Variants in CHD4 observed in about 807,000 individuals in gnomAD.
The protein encoded by CHD4 is ATP-dependent chromatin remodeler CHD4.
CHD4 carries 35 observed loss-of-function variants against 235.5 expected under a neutral mutation model. The ratio of observed to expected loss-of-function variants is 0.15; its 90% CI spans 0.11 to 0.20. The LOEUF (loss-of-function observed/expected upper bound fraction) is 0.20, where lower values mean the gene tolerates loss of function less well. CHD4 is among the 10% of genes least tolerant of loss of function. The pLI, the probability that CHD4 is intolerant of heterozygous loss-of-function variation, is 1.00. For synonymous variants in CHD4, 900 were observed against 850.2 expected, an observed-to-expected ratio of 1.06 and a Z score of -1.02; for missense variants, 1,329 against 2,432.3, an observed-to-expected ratio of 0.55 and a Z score of 9.54.
intron 33 of CHD4, 60 bp downstream of exon 33, chr12:6,580,984 C>A: frequency 6.3e-7 from 1 of 1,583,062 alleles, no homozygotes; most frequent in South Asian, 1.1e-5. Context: ...TCCAGCCTGG[C>A]GGCAGCACTA....
At chr12:6,583,161 C>T (rs753889540) in intron 26 of CHD4, 37 bp downstream of exon 26, 32 of 1,610,328 alleles carry the variant, frequency 2.0e-5, no homozygotes, top group Middle Eastern at 3.3e-4. Flanking sequence ...TCTAGTGGAA[C>T]GGCCCATGGG....
chr12:6,576,764 G>T (rs1313890981), intron 37 of CHD4, among the ~76,000 whole-genome samples: 2 of 152,092 alleles, frequency 1.3e-5, no homozygotes, highest in Admixed American at 6.6e-5. Context: ...TATGCAGAAT[G>T]GCATTCATTT....
intron 24 of CHD4, 53 bp from the exon 25 acceptor site, chr12:6,587,612 GGAAA>G (rs1948322824): frequency 6.2e-7 from 1 of 1,608,316 alleles, no homozygotes; most frequent in Non-Finnish European, 8.5e-7. Flanking sequence ...CAGCTGCAGT[GGAAA>G]AAGCAAGTCC....
At chr12:6,603,524 G>T (rs1411795360) in intron 2 of CHD4, among the ~76,000 whole-genome samples, 4 of 138,994 alleles carry the variant, frequency 2.9e-5, no homozygotes, top group African/African-American at 5.2e-5. Context: ...GGACAGACAG[G>T]AAGTGGCAGG....
At position 6,573,285 on chromosome 12, in the gene CHD4, G is replaced by C; in HGVS notation, c.5362-16C>G. On this transcript the variant is annotated splice_polypyrimidine_tract_variant and intron_variant, in intron 37 of 39. Transcript: ENST00000544040. ...GTTCTAAGAGCTGGACAAGGGATAA[G>C]AGGAAACGGGAGTTCGACTGATAAC... The C allele has an allele frequency of 6.6e-7, 1 of 1,524,800 alleles. No homozygotes were observed. The highest frequency in any genetic ancestry group is 1.3e-5 in the South Asian group (1 of 75,156). 94.5% of individuals were successfully genotyped at this position (1,524,800 alleles called of 1,614,324 possible).
intron 37 of CHD4, 33 bp from the exon 38 acceptor site, chr12:6,573,302 A>C: frequency 2.7e-6 from 4 of 1,497,052 alleles, no homozygotes; most frequent in Non-Finnish European, 3.5e-6. Context: ...CGGGAGTTCG[A>C]CTGATAACTC....
intron 15 of CHD4, among the ~76,000 whole-genome samples, chr12:6,594,032 G>A (rs913750570): frequency 5.3e-5 from 8 of 151,972 alleles, no homozygotes; most frequent in African/African-American, 1.4e-4. Flanking sequence ...ACGGGGTTTC[G>A]CCATGTTGGT....
At chr12:6,596,811 T>A (rs546743348) in intron 12 of CHD4, among the ~76,000 whole-genome samples, 54 of 149,994 alleles carry the variant, frequency 3.6e-4, no homozygotes, top group African/African-American at 1.2e-3. Context: ...AAAAAAAAAA[T>A]TAGGCAGGCG....
At position 6,598,011 on chromosome 12, in the gene CHD4, T is replaced by G. The variant is rs749205441; in HGVS notation, c.1775A>C (p.Glu592Ala). ...EPPSGDFGGD[E>A]EKSRKRKNKD... The stretch of plus-strand genomic sequence containing the variant: ...GTTCTTTCGCTTTCGGCTTTTCTCT[T>G]CATCACCACCAAAGTCCCCAGAAGG... The change falls in exon 12 of 40, where the codon GAA becomes GCA. Residue 592 changes from glutamate to alanine, a missense_variant. Transcript: ENST00000544040. The G allele has an allele frequency of 3.7e-6, 6 of 1,614,092 alleles. No individual in the cohort carries two copies. The highest frequency in any genetic ancestry group is 1.3e-5 in the African/African-American group (1 of 74,916).
chr12:6,570,822 GA>G (rs1947952322), intron 39 of CHD4, 46 bp downstream of exon 39: 3 of 1,613,076 alleles, frequency 1.9e-6, no homozygotes, highest in Non-Finnish European at 1.7e-6. Context: ...ACAAGCTCCA[GA>G]ATGGTTCTGC....
At position 6,598,215 on chromosome 12, in the gene CHD4, A is replaced by C; in HGVS notation, c.1686+7T>G. ...GCCCCTACATCTCCAGACTATCCTA[A>C]ACTTACCTGCAGTTCAGAAACCCAG... On this transcript the variant is annotated splice_region_variant and intron_variant, in intron 11 of 39. Transcript: ENST00000544040. 6.2e-7 allele frequency: 1 copy of C among 1,611,664 alleles called. No homozygotes were observed. Among genetic ancestry groups the C allele is most frequent in the Non-Finnish European group, 8.5e-7 (1 of 1,178,282 alleles).
chr12:6,576,044 G>C (rs575154781), intron 37 of CHD4, among the ~76,000 whole-genome samples: 1 of 151,486 alleles, frequency 6.6e-6, no homozygotes, highest in African/African-American at 2.4e-5. Flanking sequence ...ATTCCCTCTC[G>C]AGAACTTTTT....
chr12:6,599,650 G>A (rs890618651), intron 10 of CHD4, 123 bp downstream of exon 10: 2 of 1,210,380 alleles, frequency 1.7e-6, no homozygotes, highest in South Asian at 1.4e-5. Flanking sequence ...TAGGATGAAG[G>A]AGAATACCTT....
In CHD4 at chr12:6,593,448, T is replaced by C. The variant is rs1287981541; in HGVS notation, c.2482A>G (p.Ile828Val). The C allele has an allele frequency of 1.9e-6, 3 of 1,614,168 alleles. No individual in the cohort carries two copies. Among genetic ancestry groups the C allele is most frequent in the Non-Finnish European group, 2.5e-6 (3 of 1,180,020 alleles). The change falls in exon 16 of 40, where the codon ATT (isoleucine) becomes GTT (valine). Residue 828 changes from isoleucine (I) to valine (V), a missense_variant. Physicochemically the swap from Ile to Val is conservative, Grantham distance 29. This residue lies in a region of CHD4 where 78 missense variants were observed against 174.8 expected (regional missense o/e 0.45). Transcript: ENST00000544040. The surrounding 1 kb of genome is among the most constrained non-coding windows in gnomAD (Gnocchi z 4.9). Reference sequence around the variant, plus strand: ...CGGGAGGCCTTCTTGCCACCACGAATGGCATTGTCTTCAAAGGAGAACTCA... The same window carrying C: ...CGGGAGGCCTTCTTGCCACCACGAACGGCATTGTCTTCAAAGGAGAACTCA... ...ENEFSFEDNA[I>V]RGGKKASRMK...
intron 25 of CHD4, 132 bp downstream of exon 25, chr12:6,587,251 AG>A (rs1291261518): frequency 1.2e-6 from 1 of 860,662 alleles, no homozygotes; most frequent in African/African-American, 1.7e-5. Flanking sequence ...TTGTTTTCAA[AG>A]GAAGAGGATC....
intron 37 of CHD4, 58 bp downstream of exon 37, chr12:6,577,727 G>A: frequency 1.9e-6 from 3 of 1,603,512 alleles, no homozygotes; most frequent in Non-Finnish European, 2.6e-6. Flanking sequence ...TCTGCTGCAG[G>A]ACGTTACGCA....
chr12:6,580,669 T>C (rs1319137398), intron 33 of CHD4: 1 of 150,732 alleles, frequency 6.6e-6, no homozygotes, highest in Non-Finnish European at 1.2e-5. Context: ...ATCGCACCAT[T>C]GCACTCCAGC....
chr12:6,595,260 A>C, intron 14 of CHD4, 74 bp downstream of exon 14: 1 of 1,248,472 alleles, frequency 8.0e-7, no homozygotes, highest in Non-Finnish European at 1.2e-6. Flanking sequence ...ATTACTTAAG[A>C]GTACCATCAT....
At chr12:6,595,661 G>A (rs886196743) in intron 13 of CHD4, among the ~76,000 whole-genome samples, 4 of 151,944 alleles carry the variant, frequency 2.6e-5, no homozygotes, top group Admixed American at 1.3e-4. Context: ...GGTGGCAGAC[G>A]CCTGTAATCT....
Sources: gnomAD v4.1 joint callset for allele counts (sites outside exome capture counted in the v4.1 genomes callset) on GRCh38, gnomAD v4.1.1 for gene constraint, gnomAD v4.1.1 regional missense constraint, Gnocchi (gnomAD v3.1) non-coding constraint, MANE v1.5 for transcripts, NCBI Gene and HGNC (gene_info 2026-07-23, HGNC 2026-07-21) for gene names.